Variants in PKD1 observed in about 807,000 individuals in gnomAD.
The protein encoded by PKD1 is polycystin-1.
In PKD1, 81 loss-of-function variants were observed where a neutral mutation model predicts 361.7. The observed-to-expected ratio is 0.22, with a 90% CI of 0.19 to 0.27. The LOEUF (loss-of-function observed/expected upper bound fraction) is 0.27, where lower values mean the gene tolerates loss of function less well. Among genes scored for constraint, PKD1 ranks in the 10% least tolerant of loss-of-function variants. The pLI, the probability that PKD1 is intolerant of heterozygous loss-of-function variation, is 1.00. For synonymous variants in PKD1, 3,615 were observed against 2,818.3 expected (o/e 1.28, Z -8.95); for missense variants, 6,399 against 6,118.3 (o/e 1.05, Z -1.53).
intron 10 of PKD1, 198 bp downstream of exon 10, chr16:2,115,180 G>A (rs912513200): frequency 2.4e-5 from 16 of 672,322 alleles, no homozygotes; most frequent in South Asian, 6.6e-5. Context: ...GGCACAGCTC[G>A]TGCCAAGGGC....
Position 2,090,275 on chromosome 16 carries a change from C to T in PKD1, c.12444+10G>A. ...GCGTGTCCCTCTCCCCCCCACTGGGCCGTACCCACCTCCTTGACCTTGCTG... is the reference window on the plus strand; with the variant it reads ...GCGTGTCCCTCTCCCCCCCACTGGGTCGTACCCACCTCCTTGACCTTGCTG... On this transcript the variant is annotated intron_variant, in intron 45 of 45. Transcript: ENST00000262304. 2 of 1,608,528 alleles carry T rather than the reference C, an allele frequency of 1.2e-6. No homozygotes were observed. Among genetic ancestry groups the T allele is most frequent in the Non-Finnish European group, 1.7e-6 (2 of 1,177,264 alleles).
intron 34 of PKD1, 25 bp downstream of exon 34, chr16:2,097,123 C>G (rs1320029751): frequency 2.6e-6 from 4 of 1,532,586 alleles, no homozygotes; most frequent in Non-Finnish European, 3.5e-6. Flanking sequence ...GGCAATCCCC[C>G]CTCCCCCGAG....
Position 2,100,516 on chromosome 16 carries a change from C to T in PKD1, c.9448G>A (p.Gly3150Ser), listed in dbSNP as rs1212007205. ...IMLYGVDSRS[G>S]HRHLDGDRAF... ...CTGTCGCCGTCCAGGTGCCGGTGGC[C>T]GCTCCGGCTGTCCACCCCATACAGC... Residue 3150 changes from glycine to serine, a missense_variant, in exon 27 of 46, where the codon GGC becomes AGC. Gly to Ser is a moderately conservative substitution (Grantham distance 56, BLOSUM62 0). Coordinates refer to ENST00000262304, the MANE Select transcript of PKD1 (RefSeq NM_001009944.3). The surrounding 1 kb of genome is among the most constrained non-coding windows in gnomAD (Gnocchi z 4.4). 1.7e-5 allele frequency: 28 copies of T among 1,610,400 alleles called. No homozygotes were observed. The highest frequency in any genetic ancestry group is 2.0e-5 in the Non-Finnish European group (24 of 1,179,556).
rs555685116 is a variant in PKD1 at position 2,107,925 on chromosome 16, G to A, written c.7023C>T (p.Thr2341=). The A allele has an allele frequency of 2.2e-5, 34 of 1,545,998 alleles. No individual in the cohort carries two copies. The highest frequency in any genetic ancestry group is 3.9e-5 in the Admixed American group (2 of 51,008). ...AAGVEYTFSL[T]VWKAGRKEEA... ...CCTCCTTGCGGCCGGCCTTCCACAC[G>A]GTCAGGCTGAAGGTGTACTCCACGC... The change falls in exon 16 of 46, where the codon ACC becomes ACT. Residue 2341 remains threonine, a synonymous_variant. Coordinates refer to ENST00000262304, the MANE Select transcript of PKD1 (RefSeq NM_001009944.3).
At position 2,110,677 on chromosome 16, in the gene PKD1, C is replaced by G; in HGVS notation, c.4490G>C (p.Ser1497Thr). ...FSAVGRGRPA[S>T]YLWDLGDGGW... Reference sequence around the variant, plus strand: ...ACCGTCCCCCAGATCCCACAGGTAGCTGGCGGGGCGCCCACGGCCCACAGC... The same window carrying G: ...ACCGTCCCCCAGATCCCACAGGTAGGTGGCGGGGCGCCCACGGCCCACAGC... Residue 1497 changes from serine (S) to threonine (T), a missense_variant, in exon 15 of 46, where the codon AGC becomes ACC. Physicochemically the swap from Ser to Thr is moderately conservative, Grantham distance 58. Coordinates refer to ENST00000262304, the MANE Select transcript of PKD1 (RefSeq NM_001009944.3). The G allele has an allele frequency of 6.2e-7, 1 of 1,610,326 alleles. No homozygotes were observed. Among genetic ancestry groups the G allele is most frequent in the East Asian group, 2.2e-5 (1 of 44,880 alleles).
At chr16:2,120,078 C>T in intron 1 of PKD1, 1 of 578,564 alleles carries the variant, frequency 1.7e-6, no homozygotes, top group South Asian at 2.1e-5. Context: ...GGCATGGCGG[C>T]ATGCGCCTGG....
rs1397012843 is a variant in PKD1, at chr16:2,089,524, G to A, written c.*203C>T. The A allele has an allele frequency of 3.2e-6, 2 of 623,134 alleles. No individual in the cohort carries two copies. The highest frequency in any genetic ancestry group is 2.8e-5 in the East Asian group (1 of 36,268). The allele number at this position is 623,134 out of a possible 1,614,324, so 38.6% of individuals were successfully genotyped here. ...ATACTGCTGTGTCCTTCCCAAGGGA[G>A]CTGGGGAGGGGACCCTGGGTCCTGG... On this transcript the variant is annotated 3_prime_UTR_variant, in exon 46 of 46. Transcript: ENST00000262304.
In PKD1 at chr16:2,092,106, G is replaced by C; in HGVS notation, c.11352C>G (p.Gly3784=). 6.2e-7 allele frequency: 1 copy of C among 1,612,902 alleles called. No individual in the cohort carries two copies. Among genetic ancestry groups the C allele is most frequent in the South Asian group, 1.1e-5 (1 of 91,086 alleles). ...GGFSTSDYDV[G]WESPHNGSGT... ...CCGAGCCATTGTGAGGACTCTCCCA[G>C]CCAACGTCGTAATCGCTGGTGCTGA... Residue 3784 remains glycine (G), a synonymous_variant, in exon 40 of 46, where the codon GGC becomes GGG. Transcript: ENST00000262304.
At chr16:2,128,962 C>G (rs1275248907) in intron 1 of PKD1, among the ~76,000 whole-genome samples, 2 of 152,092 alleles carry the variant, frequency 1.3e-5, no homozygotes, top group African/African-American at 4.8e-5. Flanking sequence ...CTCCCGGGTT[C>G]AAGTGATTCT....
chr16:2,111,359 A>T lies in PKD1; in HGVS notation c.3808T>A (p.Cys1270Ser), dbSNP rs2151799888. Residue 1270 changes from cysteine to serine, a missense_variant, in exon 15 of 46, where the codon TGC (cysteine) becomes AGC (serine). Transcript: ENST00000262304. ...VEHVYLRAQN[C>S]TVTVGAASPA... ...CTGGCCGCACCCACGGTCACTGTGC[A>T]GTTCTGTGCCCGCAGGTACACATGC... 1 of 1,610,646 alleles carries T rather than the reference A, an allele frequency of 6.2e-7. No homozygotes were observed. Among genetic ancestry groups the T allele is most frequent in the Middle Eastern group, 1.7e-4 (1 of 5,952 alleles).
Position 2,118,608 on chromosome 16 carries a change from A to G in PKD1, c.529+68T>C, listed in dbSNP as rs1379512527. 5 of 791,208 alleles carry G rather than the reference A, an allele frequency of 6.3e-6. No individual in the cohort carries two copies. The highest frequency in any genetic ancestry group is 2.9e-5 in the South Asian group (2 of 69,136). The allele number at this position is 791,208 out of a possible 1,614,324, so 49.0% of individuals were successfully genotyped here. On this transcript the variant is annotated intron_variant, in intron 4 of 45. Coordinates refer to ENST00000262304, the MANE Select transcript of PKD1 (RefSeq NM_001009944.3). This position sits in a 1 kb window ranked among gnomAD's most constrained non-coding sequence, Gnocchi z 6.0. ...AGAGAGGCCTTCCTGAGCCCTGCCC[A>G]GTGTCTGCAGGGCCCAGGTCCCACC...
Position 2,089,662 on chromosome 16 carries a change from G to A in PKD1, c.*65C>T, listed in dbSNP as rs557909051. ...CTGCCTGGCCCTCGGCCTTGACAGC[G>A]GCAGAAAGTAATACTGAGCGGTGTC... is the stretch of plus-strand genomic sequence containing the variant. On this transcript the variant is annotated 3_prime_UTR_variant, in exon 46 of 46. Coordinates refer to ENST00000262304, the MANE Select transcript of PKD1 (RefSeq NM_001009944.3). The A allele has an allele frequency of 2.5e-4, 389 of 1,533,642 alleles. No individual in the cohort carries two copies. The highest frequency in any genetic ancestry group is 2.9e-4 in the East Asian group (12 of 40,740).
At position 2,091,181 on chromosome 16, in the gene PKD1, G is replaced by T. The variant is rs1458041995; in HGVS notation, c.11713-7C>A. ...CGAACAGCAGCAGGCACACCTGTGG[G>T]GGGCGCGGTCAGGAGGGCGGGAGGG... is the stretch of plus-strand genomic sequence containing the variant. On this transcript the variant is annotated splice_polypyrimidine_tract_variant and splice_region_variant and intron_variant, in intron 42 of 45. Transcript: ENST00000262304. The T allele has an allele frequency of 2.1e-6, 3 of 1,414,922 alleles. No homozygotes were observed. Among genetic ancestry groups the T allele is most frequent in the Admixed American group, 3.0e-5 (1 of 33,236 alleles). 87.6% of individuals were successfully genotyped at this position (1,414,922 alleles called of 1,614,324 possible). A position where few individuals can be genotyped will look rare whatever the true frequency, so the allele number is the denominator to read the frequency against.
At chr16:2,091,319 G>GAGGCGGGGCGCTGCGA in intron 42 of PKD1, 104 bp downstream of exon 42, 1 of 349,784 alleles carries the variant, frequency 2.9e-6, no homozygotes, top group Non-Finnish European at 3.6e-6. Flanking sequence ...ACGCTGCGAG[G>GAGGCGGGGCGCTGCGA]GGGCGGGGCG....
Position 2,102,131 on chromosome 16 carries a change from G to C in PKD1, c.9327C>G (p.Ile3109Met). The change falls in exon 26 of 46, where the codon ATC becomes ATG. Residue 3109 changes from isoleucine to methionine, a missense_variant. Ile to Met is a conservative substitution (Grantham distance 10). Coordinates refer to ENST00000262304, the MANE Select transcript of PKD1 (RefSeq NM_001009944.3). ...DQLDASRGRA[I>M]PFCGQRGRFK... Reference sequence around the variant, plus strand: ...AGCGGCCCCGCTGCCCACAGAAAGGGATGGCGCGGCCCCGGCTGGCATCCA... The same window carrying C: ...AGCGGCCCCGCTGCCCACAGAAAGGCATGGCGCGGCCCCGGCTGGCATCCA... 6.4e-7 allele frequency: 1 copy of C among 1,569,406 alleles called. No homozygotes were observed. The highest frequency in any genetic ancestry group is 1.1e-5 in the South Asian group (1 of 90,100).
chr16:2,101,033 T>G (rs1216184992), intron 26 of PKD1, among the ~76,000 whole-genome samples: 1 of 152,014 alleles, frequency 6.6e-6, no homozygotes, highest in Non-Finnish European at 1.5e-5. Context: ...TCACCCAGGC[T>G]GGAGTGCAGT....
In PKD1 at chr16:2,090,969, C is replaced by T. The variant is rs1266632367; in HGVS notation, c.11918G>A (p.Arg3973His). Residue 3973 changes from arginine (R) to histidine (H), a missense_variant, in exon 43 of 46, where the codon CGC (arginine) becomes CAC (histidine). Physicochemically the swap from Arg to His is conservative, Grantham distance 29 (BLOSUM62 0). Coordinates refer to ENST00000262304, the MANE Select transcript of PKD1 (RefSeq NM_001009944.3). ...CGCCACCTGGTCGAAGCTAGTGAAG[C>T]GGCGCGGGCGGCCGCGCACGAAACG... Reference protein sequence around the residue: ...WTRFVRGRPRRFTSFDQVAQL... With the variant: ...WTRFVRGRPRHFTSFDQVAQL... 4 of 1,542,922 alleles carry T rather than the reference C, an allele frequency of 2.6e-6. No individual in the cohort carries two copies. The highest frequency in any genetic ancestry group is 2.6e-6 in the Non-Finnish European group (3 of 1,150,446).
intron 21 of PKD1, 110 bp from the exon 22 acceptor site, chr16:2,104,752 G>C (rs528805718): frequency 3.9e-6 from 3 of 773,416 alleles, no homozygotes; most frequent in African/African-American, 1.8e-5. Flanking sequence ...TGCAGCTGGA[G>C]AGCCCACTTG....
Position 2,111,100 on chromosome 16 carries a change from G to C in PKD1, c.4067C>G (p.Pro1356Arg). 1 of 1,610,744 alleles carries C rather than the reference G, an allele frequency of 6.2e-7. No homozygotes were observed. Among genetic ancestry groups the C allele is most frequent in the African/African-American group, 1.3e-5 (1 of 74,982 alleles). ...THNFTRSGTF[P>R]LALVLSSRVN... is the part of the protein sequence containing the mutation. Reference sequence around the variant, plus strand: ...GCGGCTGGACAGCACCAGCGCCAGGGGGAACGTGCCGCTCCGCGTGAAGTT... The same window carrying C: ...GCGGCTGGACAGCACCAGCGCCAGGCGGAACGTGCCGCTCCGCGTGAAGTT... The change falls in exon 15 of 46, where the codon CCC becomes CGC. Residue 1356 changes from proline to arginine, a missense_variant. Pro to Arg is a moderately radical substitution (Grantham distance 103, BLOSUM62 -2). Coordinates refer to ENST00000262304, the MANE Select transcript of PKD1 (RefSeq NM_001009944.3).
Sources: gnomAD v4.1 joint callset for allele counts (sites outside exome capture counted in the v4.1 genomes callset) on GRCh38, gnomAD v4.1.1 for gene constraint, Gnocchi (gnomAD v3.1) non-coding constraint, MANE v1.5 for transcripts, NCBI Gene and HGNC (gene_info 2026-07-23, HGNC 2026-07-21) for gene names.